LAMB1: variants seen among roughly 807,000 people sequenced by gnomAD.
The protein encoded by LAMB1 is laminin subunit beta-1.
Under a neutral mutation model 222.3 loss-of-function variants are expected in LAMB1, and 121 were observed. That is an observed-to-expected ratio of 0.54 (90% CI 0.47 to 0.63). LAMB1 has a LOEUF of 0.63. LAMB1 is among the 30% of genes least tolerant of loss of function. The pLI is 0.00. For missense variants in LAMB1, 2,172 were observed against 2,240.8 expected, an observed-to-expected ratio of 0.97 and a Z score of 0.62; for synonymous variants, 794 against 807.2, an observed-to-expected ratio of 0.98 and a Z score of 0.28.
chr7:107,944,767 G>C (rs954753870), intron 24 of LAMB1, among the ~76,000 whole-genome samples: 1 of 152,160 alleles, frequency 6.6e-6, no homozygotes, highest in African/African-American at 2.4e-5. Flanking sequence ...GAAGCAGAAA[G>C]GTCAGTTCAC....
At chr7:107,975,666 G>T (rs750194029) in intron 10 of LAMB1, 23 bp downstream of exon 10, 1 of 1,596,402 alleles carries the variant, frequency 6.3e-7, no homozygotes, top group Non-Finnish European at 8.6e-7. Context: ...GTCCCACACA[G>T]TGAGTGACAT....
At chr7:107,982,874 T>A (rs777909912) in intron 7 of LAMB1, among the ~76,000 whole-genome samples, 2 of 152,120 alleles carry the variant, frequency 1.3e-5, no homozygotes, top group Admixed American at 6.6e-5. Flanking sequence ...TTCCGTAACA[T>A]AGAAAAAGAT....
chr7:107,935,604 C>T lies in LAMB1; in HGVS notation c.3999G>A (p.Glu1333=). Residue 1333 remains glutamate (E), a synonymous_variant, in exon 27 of 34, where the codon GAG becomes GAA. Coordinates refer to ENST00000222399, the MANE Select transcript of LAMB1 (RefSeq NM_002291.3). ...KYFQMSLEAE[E]RVNASTTEPN... Reference sequence around the variant, plus strand: ...GTTCTGTGGTGGAGGCATTCACCCTCTCCTCTGCCTCAAGAGACATCTGGA... The same window carrying T: ...GTTCTGTGGTGGAGGCATTCACCCTTTCCTCTGCCTCAAGAGACATCTGGA... The T allele has an allele frequency of 3.1e-6, 5 of 1,613,652 alleles. No individual in the cohort carries two copies. The highest frequency in any genetic ancestry group is 4.2e-6 in the Non-Finnish European group (5 of 1,179,710).
chr7:107,964,928 C>T (rs188028910), intron 13 of LAMB1, among the ~76,000 whole-genome samples: 7 of 152,360 alleles, frequency 4.6e-5, no homozygotes, highest in East Asian at 3.9e-4. Flanking sequence ...TTGACTAACA[C>T]GCCGTCCGCA....
intron 13 of LAMB1, among the ~76,000 whole-genome samples, chr7:107,965,568 A>C (rs1210175502): frequency 2.6e-5 from 4 of 151,752 alleles, no homozygotes; most frequent in Non-Finnish European, 5.9e-5. Flanking sequence ...AACAAGAGTG[A>C]AACTTCTGTT....
At chr7:107,992,413 A>G (rs1205599112) in intron 5 of LAMB1, among the ~76,000 whole-genome samples, 1 of 152,220 alleles carries the variant, frequency 6.6e-6, no homozygotes, top group East Asian at 1.9e-4. Flanking sequence ...TGCTATCTTT[A>G]CAATTTCCCA....
intron 27 of LAMB1, among the ~76,000 whole-genome samples, chr7:107,933,035 CAAAG>C (rs2032749555): frequency 6.6e-6 from 1 of 152,188 alleles, no homozygotes; most frequent in South Asian, 2.1e-4. Context: ...ACAGTACAAA[CAAAG>C]GAACAAAGGT....
chr7:107,995,753 C>A (rs2034269944), intron 4 of LAMB1, among the ~76,000 whole-genome samples: 1 of 152,202 alleles, frequency 6.6e-6, no homozygotes. Flanking sequence ...CCTGCCTGTT[C>A]AGCAAGGGAG....
chr7:107,966,373 G>C (rs111566614), intron 13 of LAMB1, among the ~76,000 whole-genome samples: 2 of 151,792 alleles, frequency 1.3e-5, no homozygotes, highest in East Asian at 3.9e-4. Context: ...ACCATGCCTG[G>C]CTAATTTTTG....
intron 3 of LAMB1, among the ~76,000 whole-genome samples, chr7:107,999,469 G>A (rs1236754674): frequency 6.6e-6 from 1 of 152,132 alleles, no homozygotes; most frequent in African/African-American, 2.4e-5. Context: ...ATTCTTATAA[G>A]GACACAATTA....
intron 3 of LAMB1, 142 bp downstream of exon 3, chr7:108,001,416 A>T: frequency 1.1e-6 from 1 of 902,742 alleles, no homozygotes; most frequent in African/African-American, 1.7e-5. Context: ...AGGTTGAGCT[A>T]CAAGCCTAAT....
Position 107,961,327 on chromosome 7 carries a change from T to A in LAMB1, c.1988A>T (p.Tyr663Phe), listed in dbSNP as rs1460287403. The change falls in exon 17 of 34, where the codon TAT becomes TTT. Residue 663 changes from tyrosine to phenylalanine, a missense_variant and splice_region_variant. Coordinates refer to ENST00000222399, the MANE Select transcript of LAMB1 (RefSeq NM_002291.3). Reference sequence around the variant, plus strand: ...GCACACCGGCCGAGGAAGGACGACATATCTGCCCCCAAACAAAAAAGAAAG... The same window carrying A: ...GCACACCGGCCGAGGAAGGACGACAAATCTGCCCCCAAACAAAAAAGAAAG... ...QVVSLSPGSR[Y>F]VVLPRPVCFE... 6.2e-7 allele frequency: 1 copy of A among 1,612,656 alleles called. No homozygotes were observed.
intron 4 of LAMB1, among the ~76,000 whole-genome samples, chr7:107,996,678 C>A (rs897875613): frequency 1.2e-4 from 19 of 152,200 alleles, no homozygotes; most frequent in Non-Finnish European, 2.6e-4. Context: ...TTCTTTCTGG[C>A]ATCTGGTCTC....
intron 24 of LAMB1, among the ~76,000 whole-genome samples, chr7:107,941,711 A>G (rs1258675136): frequency 1.3e-5 from 2 of 150,852 alleles, no homozygotes; most frequent in South Asian, 2.1e-4. Context: ...CTGGAGTACA[A>G]TGGCGCGATC....
Position 107,975,818 on chromosome 7 carries a change from T to G in LAMB1, c.1060A>C (p.Thr354Pro), listed in dbSNP as rs2033843231. Reference sequence around the variant, plus strand: ...CACACGCCTCCGCTGACGTTCCCCGTGGCCAGGTAAACAGCCATGTCAAAG... The same window carrying G: ...CACACGCCTCCGCTGACGTTCCCCGGGGCCAGGTAAACAGCCATGTCAAAG... ...CHFDMAVYLATGNVSGGVCDD... is the reference protein window; with the variant it reads ...CHFDMAVYLAPGNVSGGVCDD... Residue 354 changes from threonine to proline, a missense_variant, in exon 10 of 34, where the codon ACG (threonine) becomes CCG (proline). Thr to Pro is a conservative substitution (Grantham distance 38). Transcript: ENST00000222399. The G allele has an allele frequency of 6.2e-7, 1 of 1,614,096 alleles. No homozygotes were observed. Among genetic ancestry groups the G allele is most frequent in the East Asian group, 2.2e-5 (1 of 44,876 alleles).
rs114662113 is a variant in LAMB1 at position 107,979,125 on chromosome 7, C to T, written c.880-958G>A. ...AATCAACAGCACATGCTGTGAGACC[C>T]GTGATAGTAACAGGACATTAGCTAC... On this transcript the variant is annotated intron_variant, in intron 8 of 33. Coordinates refer to ENST00000222399, the MANE Select transcript of LAMB1 (RefSeq NM_002291.3). Among the ~76,000 whole-genome samples the T allele has an allele frequency of 8.0e-3, 1,212 of 152,286 alleles. 22 individuals are homozygous for T. The highest frequency in any genetic ancestry group is 0.027 in the African/African-American group (1,129 of 41,548).
At chr7:107,960,891 G>C (rs748642338) in intron 17 of LAMB1, among the ~76,000 whole-genome samples, 1 of 152,168 alleles carries the variant, frequency 6.6e-6, no homozygotes, top group Non-Finnish European at 1.5e-5. Flanking sequence ...ATGGGGTCTT[G>C]CTTTGTCGCC....
chr7:107,986,269 G>A lies in LAMB1; in HGVS notation c.518C>T (p.Ser173Leu), dbSNP rs777314468. The change falls in exon 6 of 34, where the codon TCG becomes TTG. Residue 173 changes from serine to leucine, a missense_variant. Transcript: ENST00000222399. ...GGGGCCAGTTGAAATGCCTGGAAAC[G>A]AGGCCTCACAGTCATAGGCGAAGTA... ...YRYFAYDCEA[S>L]FPGISTGPMK... 1.2e-5 allele frequency: 20 copies of A among 1,613,852 alleles called. No homozygotes were observed. Among genetic ancestry groups the A allele is most frequent in the Non-Finnish European group, 1.4e-5 (17 of 1,179,892 alleles).
intron 10 of LAMB1, 47 bp from the exon 11 acceptor site, chr7:107,975,460 T>C (rs1281966759): frequency 3.3e-6 from 5 of 1,508,482 alleles, no homozygotes; most frequent in Non-Finnish European, 4.5e-6. Flanking sequence ...GGAAACTCAA[T>C]GTATCTTTGT....
Sources: allele counts gnomAD v4.1 joint callset (sites outside exome capture counted in the v4.1 genomes callset), GRCh38; gene constraint gnomAD v4.1.1; transcripts MANE v1.5; gene names NCBI Gene and HGNC (gene_info 2026-07-23, HGNC 2026-07-21).